ZNF540: variants seen among roughly 807,000 people sequenced by gnomAD.
The protein encoded by ZNF540 is CTD-3064H18.6.
Under a neutral mutation model 11.8 loss-of-function variants are expected in ZNF540, and 3 were observed. That is an observed-to-expected ratio of 0.25 (90% confidence interval 0.12 to 0.65). The LOEUF (loss-of-function observed/expected upper bound fraction) is 0.65. Among genes scored for constraint, ZNF540 ranks in the 30% least tolerant of loss-of-function variants. The pLI is 0.83. For missense variants in ZNF540, 709 were observed against 793.1 expected (o/e 0.89, Z 1.27); for synonymous variants, 247 against 259.0 (o/e 0.95, Z 0.45).
At chr19:37,609,839 C>A (rs1371081439) in intron 4 of ZNF540, among the ~76,000 whole-genome samples, 1 of 151,516 alleles carries the variant, frequency 6.6e-6, no homozygotes, top group Non-Finnish European at 1.5e-5. Context: ...CAGAGTGAGA[C>A]TCCATCTCAA....
At chr19:37,608,951 T>C (rs1600563628) in intron 4 of ZNF540, among the ~76,000 whole-genome samples, 1 of 152,100 alleles carries the variant, frequency 6.6e-6, no homozygotes, top group Non-Finnish European at 1.5e-5. Flanking sequence ...AGTATTTAGA[T>C]TTTTTTAGGC....
intron 2 of ZNF540, 23 bp downstream of exon 2, chr19:37,598,479 T>A (rs2044013138): frequency 6.2e-7 from 1 of 1,612,636 alleles, no homozygotes; most frequent in African/African-American, 1.3e-5. Context: ...TTCTCTTTCC[T>A]TTTTAGATTA....
At chr19:37,591,807 G>A (rs934409988), upstream of ZNF540, among the ~76,000 whole-genome samples, 10 of 152,148 alleles carry the variant, frequency 6.6e-5, no homozygotes, top group Non-Finnish European at 1.2e-4. Context: ...GCCTCCCAAA[G>A]TGTTGGGATT....
In ZNF540 at chr19:37,557,557, C is replaced by T. The variant is rs759349529; in HGVS notation, c.-73+5892C>T. Among the ~76,000 whole-genome samples the T allele has an allele frequency of 7.9e-5, 12 of 152,306 alleles. No homozygotes were observed. In the South Asian group the frequency reaches 8.3e-4, roughly 11 times the overall value. ...CGTGGTAACAGCTGCACCGGCCTTT[C>T]GTACTCCCTGCTCGAGAAAGCTGCT... On this transcript the variant is annotated intron_variant, in intron 1 of 4. Transcript: ENST00000592533.
intron 1 of ZNF540, chr19:37,565,253 T>C: frequency 6.2e-7 from 1 of 1,612,032 alleles, no homozygotes; most frequent in Admixed American, 1.7e-5. Flanking sequence ...TTCTTTGCAT[T>C]TATAAGGTCT....
In ZNF540 at chr19:37,613,238, A is replaced by T. The variant is rs779342922; in HGVS notation, c.1958A>T (p.His653Leu). ...AGACAATATTCACATCTTTATCAAC[A>T]TCAGAAAACTCATAATGTAATTTAA... is the stretch of plus-strand genomic sequence containing the variant. Reference protein sequence around the residue: ...AFRQYSHLYQHQKTHNVI With the variant: ...AFRQYSHLYQLQKTHNVI Residue 653 changes from histidine (H) to leucine (L), a missense_variant, in exon 5 of 5, where the codon CAT (histidine) becomes CTT (leucine). Transcript: ENST00000316433. 2.6e-6 allele frequency: 4 copies of T among 1,515,122 alleles called. No homozygotes were observed. Among genetic ancestry groups the T allele is most frequent in the East Asian group, 4.6e-5 (2 of 43,908 alleles). 93.9% of individuals were successfully genotyped at this position (1,515,122 alleles called of 1,614,324 possible).
chr19:37,577,769 G>T (rs2043293657), intron 1 of ZNF540, among the ~76,000 whole-genome samples: 1 of 152,180 alleles, frequency 6.6e-6, no homozygotes, highest in African/African-American at 2.4e-5. Flanking sequence ...CTCTAGGGGG[G>T]CACTCAAGAT....
chr19:37,565,518 C>A (rs768611594), intron 1 of ZNF540: 6 of 1,613,662 alleles, frequency 3.7e-6, no homozygotes, highest in Admixed American at 3.3e-5. Context: ...TAAGGTTTCT[C>A]ACCACTATGA....
chr19:37,564,984 T>A (rs1328386507), intron 1 of ZNF540: 4 of 1,613,468 alleles, frequency 2.5e-6, no homozygotes, highest in Non-Finnish European at 3.4e-6. Flanking sequence ...CGTACAAAGG[T>A]CTTCCCACAT....
intron 1 of ZNF540, chr19:37,563,377 G>A (rs1162634751): frequency 6.6e-6 from 1 of 151,632 alleles, no homozygotes; most frequent in Non-Finnish European, 1.5e-5. Context: ...ATGGAATGTA[G>A]CCTCCGAGAT....
At chr19:37,591,565 A>G (rs2043868115), upstream of ZNF540, among the ~76,000 whole-genome samples, 1 of 152,186 alleles carries the variant, frequency 6.6e-6, no homozygotes, top group Admixed American at 6.5e-5. Flanking sequence ...TTATCTTGAG[A>G]TGGAGTTTCA....
rs749163759 is a variant in ZNF540, at chr19:37,612,890, A to T, written c.1610A>T (p.Asn537Ile). The T allele has an allele frequency of 4.3e-6, 7 of 1,614,112 alleles. No homozygotes were observed. In the South Asian group the frequency reaches 7.7e-5, roughly 18 times the overall value. The change falls in exon 5 of 5, where the codon AAT becomes ATT. Residue 537 changes from asparagine to isoleucine, a missense_variant. By Grantham distance (149) the Asn-to-Ile change is moderately radical. Transcript: ENST00000316433. ...ECGKAFIRRGNLKEHLKIHSG... is the reference protein window; with the variant it reads ...ECGKAFIRRGILKEHLKIHSG... ...GGAAAGGCCTTTATTCGTAGAGGGA[A>T]TCTTAAAGAACATCTGAAAATTCAT...
chr19:37,589,864 CAAAAAAA>C (rs60136941), upstream of ZNF540, among the ~76,000 whole-genome samples: 17 of 29,590 alleles, frequency 5.7e-4, no homozygotes, highest in Admixed American at 5.4e-3. Context: ...GACTCCATCT[CAAAAAAA>C]AAAAAAAAAA....
At chr19:37,573,582 T>A (rs1317884413) in intron 1 of ZNF540, among the ~76,000 whole-genome samples, 1 of 151,776 alleles carries the variant, frequency 6.6e-6, no homozygotes, top group Non-Finnish European at 1.5e-5. Flanking sequence ...ATGCTAGGAC[T>A]TTGGGAGGCT....
At chr19:37,561,362 T>C (rs190756277) in intron 1 of ZNF540, among the ~76,000 whole-genome samples, 1 of 152,342 alleles carries the variant, frequency 6.6e-6, no homozygotes, top group Admixed American at 6.5e-5. Flanking sequence ...AAAAGCACTA[T>C]ATCATCCATC....
rs561094261 is a variant in ZNF540 at position 37,566,832 on chromosome 19, T to C, written c.-73+15167T>C. On this transcript the variant is annotated intron_variant, in intron 1 of 4. Coordinates refer to the ZNF540 transcript ENST00000592533. Reference sequence around the variant, plus strand: ...ACATGATTTCCCCTGCTAAAAATCTTCCCTATTAATGGTCTGCCATCTCAG... The same window carrying C: ...ACATGATTTCCCCTGCTAAAAATCTCCCCTATTAATGGTCTGCCATCTCAG... 5.9e-5 allele frequency among the ~76,000 whole-genome samples: 9 copies of C among 152,240 alleles called. No homozygotes were observed. The East Asian group carries it at 1.7e-3, about 29-fold the overall frequency.
At chr19:37,602,783 C>T (rs1337517514) in intron 4 of ZNF540, among the ~76,000 whole-genome samples, 1 of 152,066 alleles carries the variant, frequency 6.6e-6, no homozygotes, top group African/African-American at 2.4e-5. Context: ...TGTAAACTGC[C>T]TATAGGATAT....
chr19:37,563,605 GC>G (rs1279122213), intron 1 of ZNF540: 2 of 151,466 alleles, frequency 1.3e-5, no homozygotes, highest in East Asian at 3.9e-4. Flanking sequence ...ATACATATAT[GC>G]ATACATACAT....
chr19:37,611,412 TA>T, intron 4 of ZNF540, 100 bp from the exon 5 acceptor site: 1 of 913,426 alleles, frequency 1.1e-6, no homozygotes, highest in South Asian at 1.9e-5. Context: ...TGACTTCTAG[TA>T]AGAACCGTTT....
Sources: gnomAD v4.1 joint callset for allele counts (sites outside exome capture counted in the v4.1 genomes callset) on GRCh38, gnomAD v4.1.1 for gene constraint, MANE v1.5 for transcripts, NCBI Gene and HGNC (gene_info 2026-07-23, HGNC 2026-07-21) for gene names.